The following PDE4C variants were observed in gnomAD, a reference collection of about 807,000 sequenced individuals.
The protein encoded by PDE4C is phosphodiesterase 4C.
Under a neutral mutation model 63.9 loss-of-function variants are expected in PDE4C, and 50 were observed. The ratio of observed to expected loss-of-function variants is 0.78; its 90% confidence interval spans 0.62 to 0.99. The LOEUF is 0.99. Ranked by LOEUF, PDE4C falls within the 50% of genes least tolerant of loss-of-function variation. The probability of loss-of-function intolerance (pLI) is 0.00; values close to 1 mark genes in which losing one functional copy is unlikely to be tolerated. For missense variants in PDE4C, 777 were observed against 899.1 expected (o/e 0.86, Z 1.74); for synonymous variants, 377 against 385.1 (o/e 0.98, Z 0.25).
At chr19:18,241,797 A>G (rs553967346) in intron 1 of PDE4C, among the ~76,000 whole-genome samples, 67 of 135,376 alleles carry the variant, frequency 4.9e-4, no homozygotes, top group African/African-American at 1.9e-3. Flanking sequence ...CGATCCACAA[A>G]CCTCAGCCTC....
chr19:18,226,327 AGCTTCCTGAAGAGCCCGGGGGAGCC>A lies in PDE4C; in HGVS notation c.64_88del (p.Gly22PhefsTer3). On this transcript the variant is annotated frameshift_variant, in exon 1 of 15. Coordinates refer to ENST00000262805, the Ensembl canonical transcript of PDE4C. LOFTEE classifies it high-confidence loss of function. Reference sequence around the variant, plus strand: ...CAGGCGGATGCTCTGATTCACCAAAAGCTTCCTGAAGAGCCCGGGGGAGCCGCGCGGGGATCCCCGAGGGGAGCCG... The same window carrying A: ...CAGGCGGATGCTCTGATTCACCAAAAGCGCGGGGATCCCCGAGGGGAGCCG... The A allele has an allele frequency of 6.4e-7, 1 of 1,559,296 alleles. No homozygotes were observed. Among genetic ancestry groups the A allele is most frequent in the Non-Finnish European group, 8.7e-7 (1 of 1,154,736 alleles).
upstream of PDE4C, chr19:18,250,015 C>T (rs566012429): frequency 7.5e-6 from 3 of 398,204 alleles, no homozygotes; most frequent in South Asian, 1.3e-4. Context: ...GTCCATAACT[C>T]GTGTTTTCAC....
upstream of PDE4C, among the ~76,000 whole-genome samples, chr19:18,230,800 T>G (rs1395435845): frequency 6.6e-6 from 1 of 152,174 alleles, no homozygotes; most frequent in East Asian, 1.9e-4. Context: ...CCTATCAACC[T>G]GTGCCTTCTC....
At chr19:18,244,800 C>T (rs1354811771) in intron 1 of PDE4C, among the ~76,000 whole-genome samples, 1 of 151,276 alleles carries the variant, frequency 6.6e-6, no homozygotes, top group Non-Finnish European at 1.5e-5. Flanking sequence ...GCATGAGCCA[C>T]AGTGACCAGC....
upstream of PDE4C, among the ~76,000 whole-genome samples, chr19:18,251,678 G>GT (rs1969230732): frequency 2.1e-4 from 5 of 23,328 alleles, no homozygotes; most frequent in South Asian, 9.3e-3. Context: ...CGTGATACAC[G>GT]CCCCCCCCGC....
At chr19:18,250,571 C>G (rs2148081185), upstream of PDE4C, 1 of 397,932 alleles carries the variant, frequency 2.5e-6, no homozygotes, top group Middle Eastern at 6.3e-4. Context: ...TCTCAGGAAG[C>G]TGACCTCTCT....
upstream of PDE4C, among the ~76,000 whole-genome samples, chr19:18,231,283 G>A (rs1292145533): frequency 6.6e-6 from 1 of 152,212 alleles, no homozygotes. Flanking sequence ...CGACGTGTGT[G>A]TGCACACACA....
At chr19:18,243,010 G>A (rs1449252745) in intron 1 of PDE4C, among the ~76,000 whole-genome samples, 1 of 152,148 alleles carries the variant, frequency 6.6e-6, no homozygotes, top group Non-Finnish European at 1.5e-5. Flanking sequence ...ATATGGACCA[G>A]AGCGGGGCCT....
At position 18,211,058 on chromosome 19, in the gene PDE4C, C is replaced by G. The variant is rs751921667; in HGVS notation, c.1914G>C (p.Glu638Asp). 6.2e-6 allele frequency: 10 copies of G among 1,614,132 alleles called. No homozygotes were observed. The South Asian group carries it at 1.1e-4, about 18-fold the overall frequency. Reference sequence around the variant, plus strand: ...TCTCTTCCCCCTCCTCTTCTTCCTCCTCATCCTCTTCCTCTGCCTCCTCCA... The same window carrying G: ...TCTCTTCCCCCTCCTCTTCTTCCTCGTCATCCTCTTCCTCTGCCTCCTCCA... Residue 638 changes from glutamate (E) to aspartate (D), a missense_variant, in exon 15 of 15, where the codon GAG becomes GAC. Glu to Asp is a conservative substitution (Grantham distance 45). Around this residue, in one of 3 missense-constraint regions of PDE4C, gnomAD observed 500 missense variants for 597.8 expected, o/e 0.84. Transcript: ENST00000262805.
intron 12 of PDE4C, 108 bp downstream of exon 12, chr19:18,216,633 G>C: frequency 8.7e-7 from 1 of 1,143,282 alleles, no homozygotes; most frequent in South Asian, 1.6e-5. Context: ...GCCTGGGTCT[G>C]GATGAACCGC....
intron 1 of PDE4C, chr19:18,224,129 C>G (rs1004435827): frequency 2.3e-6 from 2 of 875,078 alleles, no homozygotes; most frequent in Non-Finnish European, 2.7e-6. Flanking sequence ...CTACCTGTCC[C>G]GTTCTACCCT....
At chr19:18,245,764 G>A (rs1023793989) in intron 1 of PDE4C, among the ~76,000 whole-genome samples, 4 of 152,238 alleles carry the variant, frequency 2.6e-5, no homozygotes, top group Admixed American at 6.5e-5. Context: ...GGCACACAGC[G>A]GGTGCCCATG....
upstream of PDE4C, among the ~76,000 whole-genome samples, chr19:18,235,170 CTAG>C (rs977686609): frequency 2.0e-5 from 3 of 152,090 alleles, no homozygotes; most frequent in African/African-American, 4.8e-5. Context: ...ACTGGTGTGT[CTAG>C]TTTGTTTGTT....
intron 1 of PDE4C, among the ~76,000 whole-genome samples, chr19:18,247,297 T>C (rs4808121): frequency 0.29 from 42,527 of 148,612 alleles, 6,120 homozygotes; most frequent in Middle Eastern, 0.32. Context: ...TAAGTGTTTC[T>C]TTTTTTTTTG....
upstream of PDE4C, among the ~76,000 whole-genome samples, chr19:18,234,615 T>C (rs1968919786): frequency 6.6e-6 from 1 of 152,106 alleles, no homozygotes; most frequent in Non-Finnish European, 1.5e-5. Flanking sequence ...GCTCTGGGCT[T>C]GGGCAGGGAG....
chr19:18,226,515 A>G, upstream of PDE4C: 2 of 958,960 alleles, frequency 2.1e-6, no homozygotes, highest in Non-Finnish European at 2.8e-6. Context: ...CAAAGGGCGC[A>G]TCGGCCCCGC....
At chr19:18,244,702 G>GGCT (rs1969101530) in intron 1 of PDE4C, among the ~76,000 whole-genome samples, 1 of 152,024 alleles carries the variant, frequency 6.6e-6, no homozygotes, top group Non-Finnish European at 1.5e-5. Flanking sequence ...AGTAGAGACG[G>GGCT]GGTTTCTCCA....
chr19:18,239,024 C>T (rs1968998383), intron 1 of PDE4C, among the ~76,000 whole-genome samples: 1 of 151,612 alleles, frequency 6.6e-6, no homozygotes, highest in South Asian at 2.1e-4. Context: ...ATAAAACATG[C>T]AGTAAATAAG....
exon 2 of PDE4C, chr19:18,222,164 G>A: frequency 6.2e-7 from 1 of 1,613,756 alleles, no homozygotes; most frequent in Non-Finnish European, 8.5e-7. Flanking sequence ...TCCGAGACAT[G>A]GCCTTGGGCG....
Sources: gnomAD v4.1 joint callset for allele counts (sites outside exome capture counted in the v4.1 genomes callset) on GRCh38, gnomAD v4.1.1 for gene constraint, gnomAD v4.1.1 regional missense constraint, MANE v1.5 for transcripts, NCBI Gene and HGNC (gene_info 2026-07-23, HGNC 2026-07-21) for gene names.